Variants in TTC7A observed in about 807,000 individuals in gnomAD.
TTC7A encodes tetratricopeptide repeat protein 7A.
A neutral mutation model predicts 103.7 loss-of-function variants in TTC7A; 110 were observed. That is an observed-to-expected ratio of 1.06 (90% CI 0.91 to 1.24). TTC7A has a LOEUF of 1.24. Ranked by LOEUF, TTC7A falls within the 50% of genes most tolerant of loss-of-function variation. TTC7A has a pLI of 0.00. For missense variants in TTC7A, 1,340 were observed against 1,116.3 expected (o/e 1.20, Z -2.86); for synonymous variants, 521 against 467.9 (o/e 1.11, Z -1.47).
intron 18 of TTC7A, 112 bp from the exon 19 acceptor site, chr2:47,060,657 A>G: frequency 2.1e-6 from 2 of 949,734 alleles, no homozygotes; most frequent in Middle Eastern, 2.6e-4. Flanking sequence ...ATTTGGTGGG[A>G]TAGAGTTTGT....
At chr2:47,057,833 A>G (rs762679421) in intron 18 of TTC7A, among the ~76,000 whole-genome samples, 1 of 152,096 alleles carries the variant, frequency 6.6e-6, no homozygotes, top group Non-Finnish European at 1.5e-5. Flanking sequence ...CCCTGACCAC[A>G]CCAGCAGCAT....
At chr2:46,954,911 A>G (rs1671718383) in intron 2 of TTC7A, among the ~76,000 whole-genome samples, 1 of 152,066 alleles carries the variant, frequency 6.6e-6, no homozygotes, top group Non-Finnish European at 1.5e-5. Context: ...TTTATAAAAC[A>G]TGCCCTGCAT....
At chr2:47,047,911 C>G (rs1157240067) in intron 16 of TTC7A, among the ~76,000 whole-genome samples, 1 of 152,160 alleles carries the variant, frequency 6.6e-6, no homozygotes, top group Admixed American at 6.5e-5. Context: ...CCTGGGAAAG[C>G]CAGGAGGATA....
At chr2:46,917,092 T>G in intron 1 of TTC7A, 1 of 685,710 alleles carries the variant, frequency 1.5e-6, no homozygotes, top group South Asian at 1.6e-5. Context: ...GACGGTCTCA[T>G]TCCTTTTCCC....
chr2:46,974,885 C>G (rs115386025), intron 3 of TTC7A, 88 bp from the exon 4 acceptor site: 1 of 1,546,336 alleles, frequency 6.5e-7, no homozygotes, highest in African/African-American at 1.4e-5. Flanking sequence ...TCTGCCCCCT[C>G]GGATGAGCCC....
At chr2:46,993,017 C>G (rs1243113939) in intron 5 of TTC7A, among the ~76,000 whole-genome samples, 1 of 152,198 alleles carries the variant, frequency 6.6e-6, no homozygotes, top group African/African-American at 2.4e-5. Flanking sequence ...GGCAGGCCAG[C>G]CTGGGGCCAT....
intron 15 of TTC7A, among the ~76,000 whole-genome samples, chr2:47,044,221 A>T (rs1051209087): frequency 1.1e-4 from 17 of 152,212 alleles, no homozygotes; most frequent in African/African-American, 3.9e-4. Context: ...CAGCTCCAGC[A>T]AGACCCCTTT....
rs1448198993 is a variant in TTC7A at position 46,973,063 on chromosome 2, G to T, written c.518-1910G>T. ...AACATCCTCTTTTTCCTAGTCATGG[G>T]CTCACAACTGTATGCTTTTCAATTA... On this transcript the variant is annotated intron_variant, in intron 3 of 19. Coordinates refer to ENST00000319190, the MANE Select transcript of TTC7A (RefSeq NM_020458.4). Among the ~76,000 whole-genome samples the T allele has an allele frequency of 2.1e-5, 3 of 145,144 alleles. No homozygotes were observed. The Admixed American group carries it at 2.2e-4, about 11-fold the overall frequency.
intron 18 of TTC7A, among the ~76,000 whole-genome samples, chr2:47,054,914 C>T (rs557241289): frequency 6.6e-6 from 1 of 151,910 alleles, no homozygotes; most frequent in Non-Finnish European, 1.5e-5. Context: ...ACAACCGCCA[C>T]GGCCAGGAAA....
At chr2:46,931,387 G>T (rs1192028233) in intron 2 of TTC7A, among the ~76,000 whole-genome samples, 1 of 152,238 alleles carries the variant, frequency 6.6e-6, no homozygotes. Flanking sequence ...TGCTCAGATT[G>T]AATGTTATTT....
rs780233999 is a variant in TTC7A at position 47,029,364 on chromosome 2, C to T, written c.1782C>T (p.Thr594=). Residue 594 remains threonine, a synonymous_variant, in exon 15 of 20, where the codon ACC becomes ACT. Coordinates refer to ENST00000319190, the MANE Select transcript of TTC7A (RefSeq NM_020458.4). ...HALDVVNMAI[T]EHPENFNLMF... ...TGGATGTTGTCAACATGGCCATCACCGAGCACCCTGAGAACTTCAAGTGAG... is the reference window on the plus strand; with the variant it reads ...TGGATGTTGTCAACATGGCCATCACTGAGCACCCTGAGAACTTCAAGTGAG... The T allele has an allele frequency of 3.2e-5, 52 of 1,613,762 alleles. 1 individual carries two copies. The highest frequency in any genetic ancestry group is 3.9e-5 in the Non-Finnish European group (46 of 1,180,032).
In TTC7A at chr2:46,950,507, T is replaced by G. The variant is rs764523628; in HGVS notation, c.329T>G (p.Leu110Arg). ...GCCAAAAATTATCTAAGCAGTATCC[T>G]TAACCATGGGAGGCTCTCGGTAAGT... ...SEAKNYLSSI[L>R]NHGRLSPQYM... Residue 110 changes from leucine to arginine, a missense_variant, in exon 2 of 20, where the codon CTT becomes CGT. Transcript: ENST00000319190. The G allele has an allele frequency of 6.6e-5, 107 of 1,614,006 alleles. No homozygotes were observed. In the South Asian group the frequency reaches 1.1e-3, roughly 17 times the overall value.
chr2:47,063,928 C>T (rs1191903220), intron 19 of TTC7A, among the ~76,000 whole-genome samples: 1 of 152,230 alleles, frequency 6.6e-6, no homozygotes, highest in Non-Finnish European at 1.5e-5. Context: ...CTGAAGAAAG[C>T]CCACTGGGAG....
intron 17 of TTC7A, among the ~76,000 whole-genome samples, chr2:47,051,085 G>A (rs1167858034): frequency 6.6e-6 from 1 of 152,214 alleles, no homozygotes; most frequent in Non-Finnish European, 1.5e-5. Context: ...GACTTGAGCT[G>A]CTATCCAGTC....
chr2:46,998,840 T>C (rs1347478251), intron 8 of TTC7A, among the ~76,000 whole-genome samples: 1 of 152,142 alleles, frequency 6.6e-6, no homozygotes, highest in East Asian at 1.9e-4. Flanking sequence ...GCTGACTATG[T>C]GCGATCAGAA....
chr2:47,011,408 G>T lies in TTC7A; in HGVS notation c.1365G>T (p.Ala455=). 6.2e-7 allele frequency: 1 copy of T among 1,610,028 alleles called. No individual in the cohort carries two copies. The highest frequency in any genetic ancestry group is 1.7e-5 in the Admixed American group (1 of 59,990). The stretch of plus-strand genomic sequence containing the variant: ...ACCCCACCGTGCCCCTGATGGCCGC[G>T]AAGGTCTGCATCGGGTCCCTTCGCT... The part of the protein sequence containing the change: ...PSDPTVPLMA[A]KVCIGSLRWL... Residue 455 remains alanine, a synonymous_variant, in exon 11 of 20, where the codon GCG becomes GCT. Transcript: ENST00000319190.
intron 11 of TTC7A, 126 bp downstream of exon 11, chr2:47,011,561 C>A: frequency 4.2e-6 from 3 of 722,738 alleles, no homozygotes; most frequent in South Asian, 3.9e-5. Context: ...AGCTACCAGG[C>A]AGATGGGCCT....
intron 2 of TTC7A, among the ~76,000 whole-genome samples, chr2:46,954,579 T>TTTC: frequency 6.7e-6 from 1 of 150,190 alleles, no homozygotes; most frequent in African/African-American, 2.5e-5. Flanking sequence ...TTTTTTTTTT[T>TTTC]TTTTTTTGAG....
chr2:46,916,578 G>T lies in TTC7A; in HGVS notation c.-13+1G>T, dbSNP rs999170383. On this transcript the variant is annotated splice_donor_variant, in intron 1 of 20. Coordinates refer to the TTC7A transcript ENST00000409245. LOFTEE classifies it low-confidence loss of function (5UTR_SPLICE). ...TGCTCCTATACAAGATTAACATTCAGTAAGTATCCATTGACCTGATGGATA... is the reference window on the plus strand; with the variant it reads ...TGCTCCTATACAAGATTAACATTCATTAAGTATCCATTGACCTGATGGATA... 20 of 153,536 alleles carry T rather than the reference G, an allele frequency of 1.3e-4. No homozygotes were observed. The highest frequency in any genetic ancestry group is 4.1e-4 in the African/African-American group (17 of 41,598). 9.5% of individuals were successfully genotyped at this position (153,536 alleles called of 1,614,324 possible).
Sources: gnomAD v4.1 joint callset for allele counts (sites outside exome capture counted in the v4.1 genomes callset) on GRCh38, gnomAD v4.1.1 for gene constraint, MANE v1.5 for transcripts, NCBI Gene and HGNC (gene_info 2026-07-23, HGNC 2026-07-21) for gene names.